The following PKLR variants were observed in gnomAD, a reference collection of about 807,000 sequenced individuals.
The protein encoded by PKLR is pyruvate kinase L/R, also known as pyruvate kinase PKLR.
In PKLR, 38 loss-of-function variants were observed where a neutral mutation model predicts 53.6. That is an observed-to-expected ratio of 0.71 (90% confidence interval 0.55 to 0.93). PKLR has a LOEUF of 0.93. Ranked by LOEUF, PKLR falls within the 40% of genes least tolerant of loss-of-function variation. The pLI, the probability that PKLR is intolerant of heterozygous loss-of-function variation, is 0.00. For missense variants in PKLR, 702 were observed against 787.3 expected, an observed-to-expected ratio of 0.89 and a Z score of 1.30; for synonymous variants, 328 against 316.2, an observed-to-expected ratio of 1.04 and a Z score of -0.39.
In PKLR at chr1:155,293,073, GA is replaced by G. The variant is rs1405772798; in HGVS notation, c.1436+103del. 6 of 1,177,860 alleles carry G rather than the reference GA, an allele frequency of 5.1e-6. No homozygotes were observed. Among genetic ancestry groups the G allele is most frequent in the African/African-American group, 4.5e-5 (3 of 66,208 alleles). 73.0% of individuals were successfully genotyped at this position (1,177,860 alleles called of 1,614,324 possible). ...GCTGCCTCTCCTCTTGTCTCAGGTG[GA>G]CACTCTTCACCCCTGGTGACCAGAC... is the stretch of plus-strand genomic sequence containing the variant. On this transcript the variant is annotated intron_variant, in intron 9 of 10. Coordinates refer to ENST00000342741, the MANE Select transcript of PKLR (RefSeq NM_000298.6). This position sits in a 1 kb window ranked among gnomAD's most constrained non-coding sequence, Gnocchi z 4.2.
Position 155,293,609 on chromosome 1 carries a change from G to A in PKLR, c.1117-19C>T. On this transcript the variant is annotated intron_variant, in intron 7 of 10. Coordinates refer to ENST00000342741, the MANE Select transcript of PKLR (RefSeq NM_000298.6). This position sits in a 1 kb window ranked among gnomAD's most constrained non-coding sequence, Gnocchi z 4.2. ...CCAGCATCTGGGGGACAGCGTGGAT[G>A]TCAAAGTTGTAGGACTCACACTGTG... 6.2e-7 allele frequency: 1 copy of A among 1,613,870 alleles called. No individual in the cohort carries two copies. The highest frequency in any genetic ancestry group is 8.5e-7 in the Non-Finnish European group (1 of 1,179,828).
intron 9 of PKLR, among the ~76,000 whole-genome samples, chr1:155,292,653 CAAAA>C (rs1647276710): frequency 2.0e-5 from 3 of 152,028 alleles, no homozygotes; most frequent in Admixed American, 1.3e-4. Context: ...AAAAACAAAA[CAAAA>C]CAAACAAACA....
At position 155,294,341 on chromosome 1, in the gene PKLR, C is replaced by T. The variant is rs1167329263; in HGVS notation, c.1010G>A (p.Arg337Gln). 1.2e-6 allele frequency: 2 copies of T among 1,614,112 alleles called. No homozygotes were observed. The highest frequency in any genetic ancestry group is 1.3e-5 in the African/African-American group (1 of 75,026). The change falls in exon 7 of 11, where the codon CGG becomes CAG. Residue 337 changes from arginine (R) to glutamine (Q), a missense_variant. Physicochemically the swap from Arg to Gln is conservative, Grantham distance 43. Coordinates refer to ENST00000342741, the MANE Select transcript of PKLR (RefSeq NM_000298.6). ...LEVSDGIMVA[R>Q]GDLGIEIPAE... ...TGGGATCTCGATGCCTAGGTCCCCCCGTGCCACCATGATGCCGTCGCTCAC... is the reference window on the plus strand; with the variant it reads ...TGGGATCTCGATGCCTAGGTCCCCCTGTGCCACCATGATGCCGTCGCTCAC...
At chr1:155,294,977 G>T (rs1411400095) in intron 5 of PKLR, 139 bp downstream of exon 5, 2 of 1,092,390 alleles carry the variant, frequency 1.8e-6, no homozygotes, top group African/African-American at 1.6e-5. Flanking sequence ...GAGTCTACAC[G>T]CTGGGGACTC....
intron 1 of PKLR, 74 bp downstream of exon 1, chr1:155,301,222 G>A: frequency 6.5e-7 from 1 of 1,537,642 alleles, no homozygotes; most frequent in South Asian, 1.1e-5. Context: ...GATCATTTAT[G>A]CCCTCCACCC....
Position 155,293,259 on chromosome 1 carries a change from T to C in PKLR, c.1354A>G (p.Thr452Ala). Residue 452 changes from threonine to alanine, a missense_variant, in exon 9 of 11, where the codon ACT (threonine) becomes GCT (alanine). Thr to Ala is a moderately conservative substitution (Grantham distance 58, BLOSUM62 0). This residue lies in a region of PKLR where 183 missense variants were observed against 250.2 expected (regional missense o/e 0.73). Coordinates refer to ENST00000342741, the MANE Select transcript of PKLR (RefSeq NM_000298.6). The surrounding 1 kb of genome is among the most constrained non-coding windows in gnomAD (Gnocchi z 4.2). ...RRAAPLSRDPTEVTAIGAVEA... is the reference protein window; with the variant it reads ...RRAAPLSRDPAEVTAIGAVEA... The stretch of plus-strand genomic sequence containing the variant: ...ACAGCACCAATGGCGGTGACCTCAG[T>C]GGGATCACGGCTTAGTGGCGCTGCC... The C allele has an allele frequency of 6.2e-7, 1 of 1,614,184 alleles. No individual in the cohort carries two copies. Among genetic ancestry groups the C allele is most frequent in the Non-Finnish European group, 8.5e-7 (1 of 1,180,032 alleles).
rs1170876440 is a variant in PKLR at position 155,295,491 on chromosome 1, C to G, written c.453G>C (p.Val151=). The G allele has an allele frequency of 8.1e-6, 13 of 1,609,994 alleles. No homozygotes were observed. Among genetic ancestry groups the G allele is most frequent in the Admixed American group, 3.4e-5 (2 of 59,050 alleles). The change falls in exon 4 of 11, where the codon GTG becomes GTC. Residue 151 remains valine, a synonymous_variant. Transcript: ENST00000342741. The surrounding 1 kb of genome is among the most constrained non-coding windows in gnomAD (Gnocchi z 4.3). ...FAGSPLSYRP[V]AIALDTKGPE... is the part of the protein sequence containing the mutation. Reference sequence around the variant, plus strand: ...GTCCCTTGGTGTCCAGGGCGATGGCCACGGGCCGGTAGCTGAGTGGGGAAC... The same window carrying G: ...GTCCCTTGGTGTCCAGGGCGATGGCGACGGGCCGGTAGCTGAGTGGGGAAC...
chr1:155,293,117 CCCGT>C lies in PKLR; in HGVS notation c.1436+56_1436+59del. On this transcript the variant is annotated intron_variant, in intron 9 of 10. Coordinates refer to ENST00000342741, the MANE Select transcript of PKLR (RefSeq NM_000298.6). This position sits in a 1 kb window ranked among gnomAD's most constrained non-coding sequence, Gnocchi z 4.2. The stretch of plus-strand genomic sequence containing the variant: ...GACCAGACTAAACCCAAGCCTGGGG[CCCGT>C]CCCAGCCCACCCCTGACCCAAAGCT... 4 of 1,536,798 alleles carry C rather than the reference CCCGT, an allele frequency of 2.6e-6. No homozygotes were observed. Among genetic ancestry groups the C allele is most frequent in the Non-Finnish European group, 2.7e-6 (3 of 1,109,574 alleles).
intron 2 of PKLR, among the ~76,000 whole-genome samples, chr1:155,299,018 CTTT>C (rs1557963278): frequency 0.054 from 5,430 of 101,246 alleles, 330 homozygotes; most frequent in East Asian, 0.13. Context: ...TTCTTTCTTT[CTTT>C]CTTTCTTTCT....
Position 155,301,391 on chromosome 1 carries a change from G to C in PKLR, c.5C>G (p.Ser2Trp), listed in dbSNP as rs774176341. 1 of 1,613,930 alleles carries C rather than the reference G, an allele frequency of 6.2e-7. No homozygotes were observed. The highest frequency in any genetic ancestry group is 8.5e-7 in the Non-Finnish European group (1 of 1,179,890). The change falls in exon 1 of 11, where the codon TCG becomes TGG. Residue 2 changes from serine (S) to tryptophan (W), a missense_variant. Physicochemically the swap from Ser to Trp is radical, Grantham distance 177. Around this residue, in one of 2 missense-constraint regions of PKLR, gnomAD observed 519 missense variants for 537.1 expected, o/e 0.97. Coordinates refer to ENST00000342741, the MANE Select transcript of PKLR (RefSeq NM_000298.6). Reference protein sequence around the residue: MSIQENISSLQL... With the variant: MWIQENISSLQL... ...CAGGGATGATATGTTCTCCTGGATC[G>C]ACATGCTTTCAGTGTGGGCCTGGGG... is the stretch of plus-strand genomic sequence containing the variant.
rs756878847 is a variant in PKLR at position 155,295,161 on chromosome 1, T to G, written c.649A>C (p.Ile217Leu). 2 of 1,614,026 alleles carry G rather than the reference T, an allele frequency of 1.2e-6. No homozygotes were observed. Among genetic ancestry groups the G allele is most frequent in the Non-Finnish European group, 1.7e-6 (2 of 1,179,958 alleles). Residue 217 changes from isoleucine (I) to leucine (L), a missense_variant, in exon 5 of 11, where the codon ATC (isoleucine) becomes CTC (leucine). Around this residue, in one of 2 missense-constraint regions of PKLR, gnomAD observed 519 missense variants for 537.1 expected, o/e 0.97. Transcript: ENST00000342741. The surrounding 1 kb of genome is among the most constrained non-coding windows in gnomAD (Gnocchi z 4.3). ...GAGATGAGCCCGTCGTCAATGTAGA[T>G]GCGGCCCCCCACCGGCACGACCCGG... ...IVRVVPVGGRIYIDDGLISLV... is the reference protein window; with the variant it reads ...IVRVVPVGGRLYIDDGLISLV...
chr1:155,290,527 G>T lies in PKLR; in HGVS notation c.*45C>A. 8.7e-7 allele frequency: 1 copy of T among 1,150,746 alleles called. No individual in the cohort carries two copies. Among genetic ancestry groups the T allele is most frequent in the Non-Finnish European group, 1.3e-6 (1 of 760,930 alleles). The allele number at this position is 1,150,746 out of a possible 1,614,324, so 71.3% of individuals were successfully genotyped here. ...TGGAGAACGTAGACTGGGGAGGAAG[G>T]GATGGGGTACAAGGGTAGGCTGGGC... is the stretch of plus-strand genomic sequence containing the variant. On this transcript the variant is annotated 3_prime_UTR_variant, in exon 11 of 11. Coordinates refer to ENST00000342741, the MANE Select transcript of PKLR (RefSeq NM_000298.6).
chr1:155,294,226 A>T lies in PKLR; in HGVS notation c.1116+9T>A. Reference sequence around the variant, plus strand: ...ACAGAGTGCCGAACCTCAAGGCCTCACTCCAGACCTGTGTGGCACAGACAA... The same window carrying T: ...ACAGAGTGCCGAACCTCAAGGCCTCTCTCCAGACCTGTGTGGCACAGACAA... On this transcript the variant is annotated intron_variant, in intron 7 of 10. Transcript: ENST00000342741. The T allele has an allele frequency of 6.2e-7, 1 of 1,614,138 alleles. No homozygotes were observed. Among genetic ancestry groups the T allele is most frequent in the Non-Finnish European group, 8.5e-7 (1 of 1,179,992 alleles).
At position 155,293,224 on chromosome 1, in the gene PKLR, G is replaced by A; in HGVS notation, c.1389C>T (p.Ala463=). 1 of 1,614,080 alleles carries A rather than the reference G, an allele frequency of 6.2e-7. No homozygotes were observed. Among genetic ancestry groups the A allele is most frequent in the Non-Finnish European group, 8.5e-7 (1 of 1,180,024 alleles). The change falls in exon 9 of 11, where the codon GCC becomes GCT. Residue 463 remains alanine (A), a synonymous_variant. Coordinates refer to ENST00000342741, the MANE Select transcript of PKLR (RefSeq NM_000298.6). The surrounding 1 kb of genome is among the most constrained non-coding windows in gnomAD (Gnocchi z 4.2). ...TGATGGCAGCAGCACAGCACTTGAA[G>A]GCAGCCTCCACAGCACCAATGGCGG... is the stretch of plus-strand genomic sequence containing the variant. ...EVTAIGAVEA[A]FKCCAAAIIV... is the part of the protein sequence containing the mutation.
intron 9 of PKLR, among the ~76,000 whole-genome samples, chr1:155,292,241 G>GAAAAAAAAA (rs57484820): frequency 0.33 from 45,283 of 135,398 alleles, 8,678 homozygotes; most frequent in East Asian, 0.67. Flanking sequence ...TCTGCATTAA[G>GAAAAAAAAA]AAAAAAAAAA....
intron 10 of PKLR, 132 bp downstream of exon 10, chr1:155,291,624 C>A (rs1674546126): frequency 1.1e-5 from 9 of 788,598 alleles, no homozygotes; most frequent in Admixed American, 3.8e-5. Flanking sequence ...ATATCTCAGT[C>A]TTAGTGACTC....
Position 155,294,676 on chromosome 1 carries a change from G to A in PKLR, c.771C>T (p.Ala257=). ...CGGACAGCCCGGGCAAGTCCACCTG[G>A]GCCCCTGGCAAGTTCACGCCCTTCC... ...GSRKGVNLPG[A]QVDLPGLSEQ... The change falls in exon 6 of 11, where the codon GCC becomes GCT. Residue 257 remains alanine, a synonymous_variant. Transcript: ENST00000342741. 4 of 1,614,114 alleles carry A rather than the reference G, an allele frequency of 2.5e-6. No homozygotes were observed. The highest frequency in any genetic ancestry group is 2.5e-6 in the Non-Finnish European group (3 of 1,180,034).
chr1:155,306,149 T>A (rs1304397957), upstream of PKLR, among the ~76,000 whole-genome samples: 8 of 152,180 alleles, frequency 5.3e-5, no homozygotes, highest in Non-Finnish European at 2.9e-5. This position sits in a 1 kb window ranked among gnomAD's most constrained non-coding sequence, Gnocchi z 4.2. Context: ...AGTGACCACA[T>A]GAAGCATGGT....
upstream of PKLR, among the ~76,000 whole-genome samples, chr1:155,302,895 A>C (rs1197815232): frequency 6.6e-6 from 1 of 151,806 alleles, no homozygotes; most frequent in Non-Finnish European, 1.5e-5. Context: ...ACAGGTGCTG[A>C]CTTTTTATTT....
Sources: gnomAD v4.1 joint callset for allele counts (sites outside exome capture counted in the v4.1 genomes callset) on GRCh38, gnomAD v4.1.1 for gene constraint, gnomAD v4.1.1 regional missense constraint, Gnocchi (gnomAD v3.1) non-coding constraint, MANE v1.5 for transcripts, NCBI Gene and HGNC (gene_info 2026-07-23, HGNC 2026-07-21) for gene names.